ADGRL3: variants seen among roughly 807,000 people sequenced by gnomAD.
The protein encoded by ADGRL3 is adhesion G protein-coupled receptor L3.
ADGRL3 carries 62 observed loss-of-function variants against 153.5 expected under a neutral mutation model. The observed-to-expected ratio is 0.40, with a 90% CI of 0.33 to 0.50. The LOEUF is 0.50. Among genes scored for constraint, ADGRL3 ranks in the 20% least tolerant of loss-of-function variants. The probability of loss-of-function intolerance (pLI) is 0.47; values close to 1 mark genes in which losing one functional copy is unlikely to be tolerated. For missense variants in ADGRL3, 1,641 were observed against 1,859.4 expected, an observed-to-expected ratio of 0.88 and a Z score of 2.16; for synonymous variants, 710 against 672.5, an observed-to-expected ratio of 1.06 and a Z score of -0.86.
intron 2 of ADGRL3, among the ~76,000 whole-genome samples, chr4:61,397,932 T>G (rs1434983486): frequency 6.6e-6 from 1 of 151,956 alleles, no homozygotes; most frequent in Non-Finnish European, 1.5e-5. Flanking sequence ...CTATCCATGC[T>G]GTAATTTGAA....
intron 1 of ADGRL3, among the ~76,000 whole-genome samples, chr4:61,240,197 C>T (rs1286692644): frequency 6.6e-6 from 1 of 152,076 alleles, no homozygotes; most frequent in Non-Finnish European, 1.5e-5. Context: ...ACTGTATCCT[C>T]ACTGGTGGAA....
At chr4:61,847,572 A>AT (rs1383283921) in intron 9 of ADGRL3, among the ~76,000 whole-genome samples, 5 of 116,544 alleles carry the variant, frequency 4.3e-5, no homozygotes, top group Non-Finnish European at 8.3e-5. Context: ...ATAGTACATT[A>AT]AGTGTGTGTG....
intron 6 of ADGRL3, among the ~76,000 whole-genome samples, chr4:61,722,523 A>G (rs181247159): frequency 5.3e-5 from 8 of 152,336 alleles, no homozygotes; most frequent in Admixed American, 3.9e-4. Flanking sequence ...TGGATTCACT[A>G]GCCAAAGAAC....
intron 5 of ADGRL3, among the ~76,000 whole-genome samples, chr4:61,647,487 T>C (rs2094067740): frequency 6.6e-6 from 1 of 152,164 alleles, no homozygotes; most frequent in South Asian, 2.1e-4. Context: ...GACTTTATGC[T>C]GCATTGAAGT....
At chr4:61,860,987 T>C (rs920383134) in intron 9 of ADGRL3, among the ~76,000 whole-genome samples, 1 of 152,188 alleles carries the variant, frequency 6.6e-6, no homozygotes, top group African/African-American at 2.4e-5. Context: ...ATTAAATCAC[T>C]CATCATTTTG....
chr4:61,592,295 A>G (rs904522513), intron 5 of ADGRL3, among the ~76,000 whole-genome samples: 1 of 152,158 alleles, frequency 6.6e-6, no homozygotes, highest in African/African-American at 2.4e-5. Flanking sequence ...GTGTTCTGCA[A>G]TAACTGCATT....
intron 17 of ADGRL3, among the ~76,000 whole-genome samples, chr4:61,970,025 C>T (rs545230373): frequency 6.6e-6 from 1 of 152,256 alleles, no homozygotes; most frequent in East Asian, 1.9e-4. Flanking sequence ...GTGAGCAAAC[C>T]TGGGCAGTTG....
At chr4:61,369,751 G>A (rs1269665845) in intron 1 of ADGRL3, among the ~76,000 whole-genome samples, 2 of 152,186 alleles carry the variant, frequency 1.3e-5, no homozygotes, top group Non-Finnish European at 2.9e-5. Context: ...CATAAAATGA[G>A]TTAGGGAGGA....
intron 8 of ADGRL3, among the ~76,000 whole-genome samples, chr4:61,794,349 T>C (rs990467020): frequency 6.6e-6 from 1 of 152,194 alleles, no homozygotes; most frequent in Admixed American, 6.5e-5. Context: ...CATGTTGTCT[T>C]TAGTATTTTT....
chr4:62,015,011 G>T (rs984936680), intron 21 of ADGRL3, among the ~76,000 whole-genome samples: 9 of 152,110 alleles, frequency 5.9e-5, no homozygotes, highest in African/African-American at 1.7e-4. Flanking sequence ...TACCTCATTT[G>T]AAAAGTGCTG....
intron 5 of ADGRL3, among the ~76,000 whole-genome samples, chr4:61,663,528 C>T (rs1370819854): frequency 1.3e-5 from 2 of 152,194 alleles, no homozygotes; most frequent in South Asian, 2.1e-4. Flanking sequence ...CCCCTCACCA[C>T]TCTGCGCCTG....
intron 1 of ADGRL3, among the ~76,000 whole-genome samples, chr4:61,379,399 A>C (rs934275257): frequency 6.6e-6 from 1 of 152,040 alleles, no homozygotes; most frequent in African/African-American, 2.4e-5. Context: ...TATATTAGTA[A>C]TACCTAATAT....
rs1747509833 is a variant in ADGRL3, at chr4:62,077,428, G to A, written c.*6520G>A. 6.6e-6 allele frequency: 1 copy of A among 151,914 alleles called. No individual in the cohort carries two copies. Among genetic ancestry groups the A allele is most frequent in the Non-Finnish European group, 1.5e-5 (1 of 67,886 alleles). The allele number at this position is 151,914 out of a possible 1,614,324, so 9.4% of individuals were successfully genotyped here. A position where few individuals can be genotyped will look rare whatever the true frequency, so the allele number is the denominator to read the frequency against. ...ATGTTTAAAGCCGAGAACTAAAATAGCTTTTTAAAATTTAAAAATTCCTCT... is the reference window on the plus strand; with the variant it reads ...ATGTTTAAAGCCGAGAACTAAAATAACTTTTTAAAATTTAAAAATTCCTCT... On this transcript the variant is annotated 3_prime_UTR_variant, in exon 27 of 27. Coordinates refer to ENST00000683033, the MANE Select transcript of ADGRL3 (RefSeq NM_001387552.1).
At chr4:61,298,958 T>C (rs1189222814) in intron 1 of ADGRL3, among the ~76,000 whole-genome samples, 1 of 152,192 alleles carries the variant, frequency 6.6e-6, no homozygotes, top group Non-Finnish European at 1.5e-5. Context: ...ATTGTACCAT[T>C]TGAATAATTA....
intron 17 of ADGRL3, among the ~76,000 whole-genome samples, chr4:61,958,694 A>C (rs2098976967): frequency 6.6e-6 from 1 of 152,062 alleles, no homozygotes; most frequent in Admixed American, 6.6e-5. Context: ...CCTCACTATC[A>C]CAAGAACAGC....
At chr4:61,851,185 A>G (rs908161377) in intron 9 of ADGRL3, among the ~76,000 whole-genome samples, 5 of 152,188 alleles carry the variant, frequency 3.3e-5, no homozygotes, top group African/African-American at 1.2e-4. Flanking sequence ...TGAATGGCAG[A>G]GAAATTATGA....
chr4:61,259,152 C>T (rs1416334310), intron 1 of ADGRL3, among the ~76,000 whole-genome samples: 3 of 152,112 alleles, frequency 2.0e-5, no homozygotes, highest in Non-Finnish European at 2.9e-5. Context: ...GGGCCGGGTG[C>T]GGTGGCTAAC....
At chr4:61,436,966 C>T (rs1268587378) in intron 2 of ADGRL3, among the ~76,000 whole-genome samples, 1 of 151,906 alleles carries the variant, frequency 6.6e-6, no homozygotes, top group Non-Finnish European at 1.5e-5. Context: ...AAGCAAATTG[C>T]CTGAAAATTT....
At chr4:61,899,831 G>A (rs112547431) in intron 11 of ADGRL3, among the ~76,000 whole-genome samples, 1 of 152,290 alleles carries the variant, frequency 6.6e-6, no homozygotes, top group African/African-American at 2.4e-5. Context: ...TCCTCACATG[G>A]TGGAAGGGAC....
Sources: allele counts gnomAD v4.1 joint callset (sites outside exome capture counted in the v4.1 genomes callset), GRCh38; gene constraint gnomAD v4.1.1; transcripts MANE v1.5; gene names NCBI Gene and HGNC (gene_info 2026-07-23, HGNC 2026-07-21).